Variants in NR3C2 observed in about 807,000 individuals in gnomAD.
NR3C2 encodes the protein nuclear receptor subfamily 3 group C member 2.
A neutral mutation model predicts 86.4 loss-of-function variants in NR3C2; 15 were observed. That is an observed-to-expected ratio of 0.17 (90% CI 0.12 to 0.27). The LOEUF (loss-of-function observed/expected upper bound fraction) is 0.27. Among genes scored for constraint, NR3C2 ranks in the 10% least tolerant of loss-of-function variants. NR3C2 has a pLI of 1.00. For synonymous variants in NR3C2, 458 were observed against 450.5 expected, an observed-to-expected ratio of 1.02 and a Z score of -0.21; for missense variants, 960 against 1,195.6, an observed-to-expected ratio of 0.80 and a Z score of 2.91.
chr4:148,436,941 G>C (rs961107916), intron 1 of NR3C2, 79 bp from the exon 2 acceptor site: 1 of 1,151,854 alleles, frequency 8.7e-7, no homozygotes, highest in Non-Finnish European at 1.2e-6. Flanking sequence ...AATTGCATTT[G>C]CTAAGCCACA....
intron 4 of NR3C2, among the ~76,000 whole-genome samples, chr4:148,186,988 G>GTATATATA (rs1491106389): frequency 7.3e-5 from 1 of 13,704 alleles, no homozygotes; most frequent in Non-Finnish European, 1.0e-4. Context: ...ACTGATGTGT[G>GTATATATA]TATGTATGTA....
At chr4:148,217,121 C>T (rs183741550) in intron 3 of NR3C2, among the ~76,000 whole-genome samples, 25 of 152,324 alleles carry the variant, frequency 1.6e-4, no homozygotes, top group African/African-American at 6.0e-4. Flanking sequence ...GATAAACCAA[C>T]CTGACTTGTG....
At chr4:148,367,302 T>C (rs754360455) in intron 2 of NR3C2, among the ~76,000 whole-genome samples, 1 of 152,186 alleles carries the variant, frequency 6.6e-6, no homozygotes, top group Non-Finnish European at 1.5e-5. Context: ...AACCCAAATA[T>C]TATACATATA....
At chr4:148,392,884 C>T (rs1579244451) in intron 2 of NR3C2, among the ~76,000 whole-genome samples, 1 of 152,142 alleles carries the variant, frequency 6.6e-6, no homozygotes, top group Non-Finnish European at 1.5e-5. Flanking sequence ...TAGTATCTTT[C>T]ATAGGTAGTC....
chr4:148,102,212 C>T (rs1578883064), intron 8 of NR3C2, among the ~76,000 whole-genome samples: 1 of 152,166 alleles, frequency 6.6e-6, no homozygotes, highest in African/African-American at 2.4e-5. Context: ...CACAGTGTTT[C>T]CTCTGGACCC....
intron 2 of NR3C2, among the ~76,000 whole-genome samples, chr4:148,285,032 T>C (rs1158291687): frequency 6.6e-6 from 1 of 152,180 alleles, no homozygotes; most frequent in East Asian, 1.9e-4. Context: ...ATTCTCTTGG[T>C]ATCTCTCTGG....
chr4:148,278,767 C>T (rs774438953), intron 2 of NR3C2, among the ~76,000 whole-genome samples: 10 of 152,072 alleles, frequency 6.6e-5, no homozygotes, highest in Non-Finnish European at 1.3e-4. Flanking sequence ...CATATACCCA[C>T]ATTCGTTAAC....
intron 2 of NR3C2, among the ~76,000 whole-genome samples, chr4:148,401,803 T>C (rs1748182591): frequency 6.6e-6 from 1 of 152,134 alleles, no homozygotes; most frequent in Non-Finnish European, 1.5e-5. Flanking sequence ...CTTTTCTCCA[T>C]GCCTTTTTCC....
intron 2 of NR3C2, among the ~76,000 whole-genome samples, chr4:148,364,075 C>G (rs374337363): frequency 2.0e-5 from 3 of 152,026 alleles, no homozygotes; most frequent in Non-Finnish European, 4.4e-5. Flanking sequence ...AACTGCCTAC[C>G]AATTTTAGTT....
At chr4:148,157,063 C>A (rs559556881) in intron 4 of NR3C2, among the ~76,000 whole-genome samples, 4 of 148,590 alleles carry the variant, frequency 2.7e-5, no homozygotes, top group African/African-American at 1.0e-4. Flanking sequence ...GGACAAAAAA[C>A]CAAACACCGC....
intron 4 of NR3C2, among the ~76,000 whole-genome samples, chr4:148,171,809 T>C (rs1304432232): frequency 6.6e-6 from 1 of 152,196 alleles, no homozygotes; most frequent in African/African-American, 2.4e-5. Flanking sequence ...TTCACGGTCT[T>C]AAACACAGCA....
intron 4 of NR3C2, among the ~76,000 whole-genome samples, chr4:148,185,622 T>C (rs1203363804): frequency 6.6e-6 from 1 of 152,218 alleles, no homozygotes; most frequent in African/African-American, 2.4e-5. Flanking sequence ...TATCGCATCT[T>C]CTAGCTACCC....
chr4:148,241,633 G>A lies in NR3C2; in HGVS notation c.1897+18345C>T, dbSNP rs568797433. On this transcript the variant is annotated intron_variant, in intron 3 of 8. Coordinates refer to ENST00000358102, the MANE Select transcript of NR3C2 (RefSeq NM_000901.5). ...AACCATTCCCTTGCACTTTACCTGC[G>A]CCATCGGATCATCTTTTCCTTCCCC... is the stretch of plus-strand genomic sequence containing the variant. Among the ~76,000 whole-genome samples the A allele has an allele frequency of 2.2e-4, 34 of 152,076 alleles. 1 individual carries two copies. The South Asian group carries it at 5.4e-3, about 24-fold the overall frequency.
chr4:148,418,749 C>G (rs1443412381), intron 2 of NR3C2, among the ~76,000 whole-genome samples: 1 of 152,164 alleles, frequency 6.6e-6, no homozygotes, highest in Non-Finnish European at 1.5e-5. Flanking sequence ...CATAGATTAG[C>G]TCAGAAAATT....
intron 2 of NR3C2, among the ~76,000 whole-genome samples, chr4:148,292,484 A>C (rs1429547955): frequency 6.6e-6 from 1 of 152,120 alleles, no homozygotes; most frequent in Non-Finnish European, 1.5e-5. Context: ...ATAGATCGAA[A>C]AGAAAAATTC....
chr4:148,375,231 G>C (rs1008804767), intron 2 of NR3C2, among the ~76,000 whole-genome samples: 6 of 152,144 alleles, frequency 3.9e-5, no homozygotes, highest in African/African-American at 1.4e-4. Flanking sequence ...CGAGGTTGGC[G>C]TATCACTTGA....
chr4:148,323,859 G>A (rs1288909753), intron 2 of NR3C2, among the ~76,000 whole-genome samples: 1 of 131,098 alleles, frequency 7.6e-6, no homozygotes, highest in Non-Finnish European at 1.6e-5. Flanking sequence ...CACGCTGGGA[G>A]CTGTGGACCG....
chr4:148,089,294 A>C (rs1051232017), intron 8 of NR3C2, among the ~76,000 whole-genome samples: 3 of 152,178 alleles, frequency 2.0e-5, no homozygotes, highest in Non-Finnish European at 4.4e-5. Context: ...CTGCACCCGC[A>C]GGATGTTTGG....
chr4:148,334,116 A>G (rs1018142577), intron 2 of NR3C2, among the ~76,000 whole-genome samples: 7 of 152,224 alleles, frequency 4.6e-5, no homozygotes, highest in Non-Finnish European at 8.8e-5. Flanking sequence ...GAGCATAAAG[A>G]TTACAGAAGT....
Sources: gnomAD v4.1 joint callset for allele counts (sites outside exome capture counted in the v4.1 genomes callset) on GRCh38, gnomAD v4.1.1 for gene constraint, MANE v1.5 for transcripts, NCBI Gene and HGNC (gene_info 2026-07-23, HGNC 2026-07-21) for gene names.